Variants in AGPS observed in about 807,000 individuals in gnomAD.
The protein encoded by AGPS is alkylglycerone phosphate synthase.
In AGPS, 26 loss-of-function variants were observed where a neutral mutation model predicts 90.7. The ratio of observed to expected loss-of-function variants is 0.29; its 90% CI spans 0.21 to 0.40. The LOEUF (loss-of-function observed/expected upper bound fraction) is 0.40, where lower values mean the gene tolerates loss of function less well. Among genes scored for constraint, AGPS ranks in the 10% least tolerant of loss-of-function variants. The pLI is 1.00. For missense variants in AGPS, 540 were observed against 816.1 expected (o/e 0.66, Z 4.12); for synonymous variants, 294 against 285.3 (o/e 1.03, Z -0.31).
intron 10 of AGPS, among the ~76,000 whole-genome samples, chr2:177,471,799 CT>C (rs767861213): frequency 3.7e-4 from 57 of 152,092 alleles, no homozygotes; most frequent in Non-Finnish European, 7.5e-4. Context: ...TGAAGGACAG[CT>C]TGAGTGAATA....
At chr2:177,427,241 T>C (rs1459168314) in intron 2 of AGPS, among the ~76,000 whole-genome samples, 1 of 152,184 alleles carries the variant, frequency 6.6e-6, no homozygotes, top group Non-Finnish European at 1.5e-5. Context: ...CTGATTCTTC[T>C]CTCTTTTCTT....
intron 9 of AGPS, among the ~76,000 whole-genome samples, chr2:177,467,667 A>G (rs774456756): frequency 2.0e-5 from 3 of 152,110 alleles, no homozygotes; most frequent in Non-Finnish European, 2.9e-5. Context: ...TTTATTTTGT[A>G]TTTTGTGTAT....
intron 11 of AGPS, 147 bp from the exon 12 acceptor site, chr2:177,493,001 T>C: frequency 1.5e-6 from 1 of 673,370 alleles, no homozygotes. Context: ...CATAAAAGTA[T>C]ATGAAAAGTT....
chr2:177,448,480 G>A (rs559056950), intron 8 of AGPS, among the ~76,000 whole-genome samples: 4 of 152,000 alleles, frequency 2.6e-5, no homozygotes, highest in East Asian at 1.9e-4. Flanking sequence ...CTCCACTTGC[G>A]TATTTACAGA....
chr2:177,528,849 C>CTTTTTTTTTTTTTTTTT (rs71008000), intron 19 of AGPS, among the ~76,000 whole-genome samples: 1 of 79,142 alleles, frequency 1.3e-5, no homozygotes, highest in Non-Finnish European at 2.2e-5. Context: ...CATATTAATC[C>CTTTTTTTTTTTTTTTTT]TTTTTTTTTT....
In AGPS at chr2:177,542,569, A is replaced by G. The variant is rs1225413014; in HGVS notation, c.*4374A>G. The G allele has an allele frequency of 6.6e-6, 1 of 152,028 alleles. No homozygotes were observed. The highest frequency in any genetic ancestry group is 1.5e-5 in the Non-Finnish European group (1 of 67,990). 9.4% of individuals were successfully genotyped at this position (152,028 alleles called of 1,614,324 possible). ...CCACAAGGAAAAACATCTTGCAGAG[A>G]CTCTGAATTCCAAATCTGAGTGAGA... On this transcript the variant is annotated 3_prime_UTR_variant, in exon 20 of 20. Transcript: ENST00000264167.
At chr2:177,482,240 T>C in intron 11 of AGPS, 54 bp downstream of exon 11, 1 of 1,035,670 alleles carries the variant, frequency 9.7e-7, no homozygotes, top group Non-Finnish European at 1.4e-6. Context: ...TATGTATTTA[T>C]ATTTTTCAAA....
intron 3 of AGPS, among the ~76,000 whole-genome samples, chr2:177,434,700 C>T (rs1473987402): frequency 2.0e-5 from 3 of 152,018 alleles, no homozygotes; most frequent in African/African-American, 7.2e-5. Context: ...ACTATTTGTT[C>T]TGCCTATCAC....
At chr2:177,459,956 A>G (rs1295363265) in intron 8 of AGPS, among the ~76,000 whole-genome samples, 2 of 152,248 alleles carry the variant, frequency 1.3e-5, no homozygotes, top group African/African-American at 2.4e-5. Flanking sequence ...AAAATGTGGC[A>G]CATATACACC....
chr2:177,425,608 T>G (rs1426562369), intron 2 of AGPS, among the ~76,000 whole-genome samples: 2 of 106,446 alleles, frequency 1.9e-5, no homozygotes, highest in African/African-American at 7.6e-5. Flanking sequence ...GCAACAAGAG[T>G]GAAACTCTGC....
intron 16 of AGPS, among the ~76,000 whole-genome samples, chr2:177,511,968 A>G (rs1414758625): frequency 6.6e-6 from 1 of 152,218 alleles, no homozygotes; most frequent in Non-Finnish European, 1.5e-5. Flanking sequence ...TTAAACTGAA[A>G]TGCAGTTCAC....
At chr2:177,443,911 C>A (rs1448307591) in intron 7 of AGPS, among the ~76,000 whole-genome samples, 1 of 151,968 alleles carries the variant, frequency 6.6e-6, no homozygotes, top group Admixed American at 6.6e-5. Flanking sequence ...CCTTTTTCTA[C>A]CAAAAGATAT....
intron 16 of AGPS, among the ~76,000 whole-genome samples, chr2:177,508,732 A>C (rs1688781556): frequency 6.6e-6 from 1 of 152,182 alleles, no homozygotes; most frequent in Non-Finnish European, 1.5e-5. Context: ...ATCCTCAAAG[A>C]GATTGTCTAT....
At chr2:177,470,356 A>G (rs1383661155) in intron 10 of AGPS, among the ~76,000 whole-genome samples, 2 of 152,202 alleles carry the variant, frequency 1.3e-5, no homozygotes, top group East Asian at 3.8e-4. Context: ...GTAGTCACTA[A>G]CTGTATGAAT....
chr2:177,450,824 A>G (rs1039149492), intron 8 of AGPS, among the ~76,000 whole-genome samples: 2 of 151,860 alleles, frequency 1.3e-5, no homozygotes, highest in Non-Finnish European at 2.9e-5. Context: ...CATTGACTCT[A>G]TATATCAGTT....
intron 2 of AGPS, among the ~76,000 whole-genome samples, chr2:177,429,210 A>T (rs192973695): frequency 6.6e-6 from 1 of 152,034 alleles, no homozygotes; most frequent in African/African-American, 2.4e-5. Context: ...CAGCTCCTGT[A>T]TTGTTTTATC....
At chr2:177,467,451 C>G (rs1687488064) in intron 9 of AGPS, among the ~76,000 whole-genome samples, 1 of 151,926 alleles carries the variant, frequency 6.6e-6, no homozygotes, top group African/African-American at 2.4e-5. Flanking sequence ...GGGTAAGCTC[C>G]TTTAGTTGAT....
chr2:177,456,478 A>C (rs971904164), intron 8 of AGPS, among the ~76,000 whole-genome samples: 1 of 152,212 alleles, frequency 6.6e-6, no homozygotes, highest in Non-Finnish European at 1.5e-5. Flanking sequence ...ACTTTTTGGC[A>C]AGAAAAAACC....
intron 16 of AGPS, among the ~76,000 whole-genome samples, chr2:177,511,830 G>C (rs765000320): frequency 1.8e-4 from 27 of 152,186 alleles, no homozygotes; most frequent in Non-Finnish European, 1.6e-4. Context: ...GGTTATAACT[G>C]TTCAGTCTGG....
Sources: gnomAD v4.1 joint callset for allele counts (sites outside exome capture counted in the v4.1 genomes callset) on GRCh38, gnomAD v4.1.1 for gene constraint, MANE v1.5 for transcripts, NCBI Gene and HGNC (gene_info 2026-07-23, HGNC 2026-07-21) for gene names.